The following SEPSECS variants were observed in gnomAD, a reference collection of about 807,000 sequenced individuals.
The protein encoded by SEPSECS is O-phosphoseryl-tRNA(Sec) selenium transferase.
SEPSECS carries 42 observed loss-of-function variants against 52.1 expected under a neutral mutation model. That is an observed-to-expected ratio of 0.81 (90% confidence interval 0.63 to 1.04). The LOEUF (loss-of-function observed/expected upper bound fraction) is 1.04. Ranked by LOEUF, SEPSECS falls within the 50% of genes least tolerant of loss-of-function variation. The pLI is 0.00. For synonymous variants in SEPSECS, 216 were observed against 211.4 expected (o/e 1.02, Z -0.19); for missense variants, 590 against 610.6 (o/e 0.97, Z 0.36).
chr4:25,125,015 A>G (rs1403259932), intron 10 of SEPSECS, among the ~76,000 whole-genome samples: 1 of 152,208 alleles, frequency 6.6e-6, no homozygotes, highest in Non-Finnish European at 1.5e-5. Flanking sequence ...TATATTGTAT[A>G]TAGATGAGTT....
intron 6 of SEPSECS, 112 bp from the exon 7 acceptor site, chr4:25,145,245 C>A (rs1239540391): frequency 9.3e-7 from 1 of 1,071,136 alleles, no homozygotes. Flanking sequence ...AATATATTAG[C>A]CTGATTTAAC....
chr4:25,144,060 G>C (rs567444380), intron 8 of SEPSECS, among the ~76,000 whole-genome samples: 68 of 152,194 alleles, frequency 4.5e-4, no homozygotes, highest in Non-Finnish European at 9.0e-4. Flanking sequence ...CAAGAAATAG[G>C]CCAGGCGTGG....
Position 25,158,978 on chromosome 4 carries a change from C to G in SEPSECS, c.244G>C (p.Ala82Pro), listed in dbSNP as rs1007532807. 6.2e-7 allele frequency: 1 copy of G among 1,613,830 alleles called. No homozygotes were observed. The highest frequency in any genetic ancestry group is 1.3e-5 in the African/African-American group (1 of 75,000). ...CTGTAATGACGACGAGCAACCAGTG[C>G]GGATGCCACTCTCCCTTCCCTTTCT... ...VGEREGRVAS[A>P]LVARRHYRFI... Residue 82 changes from alanine to proline, a missense_variant, in exon 2 of 11, where the codon GCA becomes CCA. Coordinates refer to ENST00000382103, the MANE Select transcript of SEPSECS (RefSeq NM_016955.4).
chr4:25,126,470 T>G (rs1172847380), intron 9 of SEPSECS, among the ~76,000 whole-genome samples: 1 of 152,160 alleles, frequency 6.6e-6, no homozygotes, highest in Admixed American at 6.6e-5. Context: ...AGAAGCCCAT[T>G]CCTAAAAAAG....
chr4:25,157,595 A>G (rs1156697665), intron 2 of SEPSECS, among the ~76,000 whole-genome samples: 1 of 143,504 alleles, frequency 7.0e-6, no homozygotes, highest in East Asian at 2.1e-4. Context: ...CCCAGGCTGG[A>G]GTGCAGTGGC....
intron 8 of SEPSECS, among the ~76,000 whole-genome samples, chr4:25,136,746 T>G (rs760907207): frequency 6.6e-6 from 1 of 152,048 alleles, no homozygotes; most frequent in Non-Finnish European, 1.5e-5. Flanking sequence ...AAAAAGAGTC[T>G]GTATAGCCAA....
At chr4:25,149,161 C>T (rs962674271) in intron 6 of SEPSECS, among the ~76,000 whole-genome samples, 3 of 152,030 alleles carry the variant, frequency 2.0e-5, no homozygotes, top group African/African-American at 7.2e-5. Context: ...GGGTTCATGC[C>T]ATTCTCCTGC....
At chr4:25,141,223 C>T (rs1711527268) in intron 8 of SEPSECS, among the ~76,000 whole-genome samples, 1 of 152,088 alleles carries the variant, frequency 6.6e-6, no homozygotes, top group African/African-American at 2.4e-5. Flanking sequence ...GTCTCCTTTG[C>T]TTGTTGCTTT....
intron 6 of SEPSECS, among the ~76,000 whole-genome samples, chr4:25,147,384 G>C (rs1279045873): frequency 2.0e-5 from 3 of 152,210 alleles, no homozygotes; most frequent in African/African-American, 7.2e-5. Flanking sequence ...CTGGTGCCTG[G>C]TACACAAGCA....
intron 8 of SEPSECS, among the ~76,000 whole-genome samples, chr4:25,144,233 G>A (rs1051685685): frequency 2.6e-5 from 4 of 151,216 alleles, no homozygotes; most frequent in African/African-American, 9.7e-5. Context: ...CCAGCTACTC[G>A]GGAGGCTGAG....
At chr4:25,152,890 G>C (rs765049799) in intron 5 of SEPSECS, among the ~76,000 whole-genome samples, 2 of 151,896 alleles carry the variant, frequency 1.3e-5, no homozygotes, top group African/African-American at 2.4e-5. Flanking sequence ...AAAGTATAAA[G>C]AATTTGAAAG....
intron 8 of SEPSECS, among the ~76,000 whole-genome samples, chr4:25,134,777 A>C (rs1577607899): frequency 6.6e-6 from 1 of 152,206 alleles, no homozygotes; most frequent in East Asian, 1.9e-4. Flanking sequence ...ACTAAATAAC[A>C]TGCTTATTTG....
rs750074805 is a variant in SEPSECS at position 25,127,234 on chromosome 4, T to C, written c.1120+30A>G. ...TTCCTCCTAGAGTGGATCATAAGTA[T>C]TTGTTTTTCTTTAGGAAAAAAGAAA... On this transcript the variant is annotated intron_variant, in intron 9 of 10. Coordinates refer to ENST00000382103, the MANE Select transcript of SEPSECS (RefSeq NM_016955.4). 20 of 1,422,966 alleles carry C rather than the reference T, an allele frequency of 1.4e-5. No homozygotes were observed. In the Middle Eastern group the frequency reaches 7.0e-4, roughly 50 times the overall value. The allele number at this position is 1,422,966 out of a possible 1,614,324, so 88.1% of individuals were successfully genotyped here.
rs1343492684 is a variant in SEPSECS at position 25,125,488 on chromosome 4, C to A, written c.1211+206G>T. 3 of 569,344 alleles carry A rather than the reference C, an allele frequency of 5.3e-6. No individual in the cohort carries two copies. The Admixed American group carries it at 9.3e-5, about 18-fold the overall frequency. 35.3% of individuals were successfully genotyped at this position (569,344 alleles called of 1,614,324 possible). A position where few individuals can be genotyped will look rare whatever the true frequency, so the allele number is the denominator to read the frequency against. On this transcript the variant is annotated intron_variant, in intron 10 of 10. Transcript: ENST00000382103. ...CTATGAAAACAAACAAGATTCATGT[C>A]TTTTTGTGACTATTTCAGGCATAAG...
intron 6 of SEPSECS, among the ~76,000 whole-genome samples, chr4:25,151,338 C>T (rs1456202917): frequency 6.6e-6 from 1 of 152,026 alleles, no homozygotes; most frequent in East Asian, 1.9e-4. Flanking sequence ...AGTAAGGCAG[C>T]AAGGGTGGTT....
rs1307711859 is a variant in SEPSECS at position 25,160,270 on chromosome 4, G to A, written c.100C>T (p.Leu34=). ...ARRSHEHLIR[L]LLEKGKCPEN... Reference sequence around the variant, plus strand: ...CAGCTCGGTACCTTCTCCAGAAGCAGCCGTATGAGGTGCTCATGCGAGCGG... The same window carrying A: ...CAGCTCGGTACCTTCTCCAGAAGCAACCGTATGAGGTGCTCATGCGAGCGG... The change falls in exon 1 of 11, where the codon CTG becomes TTG. Residue 34 remains leucine (L), a synonymous_variant. Coordinates refer to ENST00000382103, the MANE Select transcript of SEPSECS (RefSeq NM_016955.4). 1.9e-6 allele frequency: 3 copies of A among 1,556,214 alleles called. 1 individual carries two copies. The South Asian group carries it at 3.5e-5, about 18-fold the overall frequency.
rs1289137281 is a variant in SEPSECS at position 25,120,923 on chromosome 4, T to C, written c.*3008A>G. The stretch of plus-strand genomic sequence containing the variant: ...AAATCTATGGAAGCCATAGATGTAG[T>C]CTAAGCACATTCTGTAGCCCAGTCC... On this transcript the variant is annotated 3_prime_UTR_variant, in exon 11 of 11. Transcript: ENST00000382103. The C allele has an allele frequency of 6.6e-6, 1 of 152,148 alleles. No homozygotes were observed. 9.4% of individuals were successfully genotyped at this position (152,148 alleles called of 1,614,324 possible). A position where few individuals can be genotyped will look rare whatever the true frequency, so the allele number is the denominator to read the frequency against.
At chr4:25,129,853 ATAAAG>A (rs1035416650) in intron 8 of SEPSECS, among the ~76,000 whole-genome samples, 49 of 152,218 alleles carry the variant, frequency 3.2e-4, no homozygotes, top group African/African-American at 1.1e-3. Context: ...TTCATCTCCT[ATAAAG>A]TAATTAGGTT....
intron 6 of SEPSECS, 21 bp from the exon 7 acceptor site, chr4:25,145,154 C>T (rs1019543889): frequency 4.5e-5 from 73 of 1,613,076 alleles, no homozygotes; most frequent in Non-Finnish European, 6.1e-5. Context: ...TATGATATTA[C>T]ATATTAGTTG....
Sources: allele counts gnomAD v4.1 joint callset (sites outside exome capture counted in the v4.1 genomes callset), GRCh38; gene constraint gnomAD v4.1.1; transcripts MANE v1.5; gene names NCBI Gene and HGNC (gene_info 2026-07-23, HGNC 2026-07-21).